The following MAGI2 variants were observed in gnomAD, a reference collection of about 807,000 sequenced individuals.
The protein encoded by MAGI2 is membrane-associated guanylate kinase, WW and PDZ domain-containing protein 2.
A neutral mutation model predicts 133.3 loss-of-function variants in MAGI2; 35 were observed. That is an observed-to-expected ratio of 0.26 (90% CI 0.20 to 0.35). The LOEUF (loss-of-function observed/expected upper bound fraction) is 0.35, where lower values mean the gene tolerates loss of function less well. Ranked by LOEUF, MAGI2 falls within the 10% of genes least tolerant of loss-of-function variation. The probability of loss-of-function intolerance (pLI) is 1.00; values close to 1 mark genes in which losing one functional copy is unlikely to be tolerated. For synonymous variants in MAGI2, 729 were observed against 710.6 expected, an observed-to-expected ratio of 1.03 and a Z score of -0.41; for missense variants, 1,636 against 1,863.4, an observed-to-expected ratio of 0.88 and a Z score of 2.25.
intron 6 of MAGI2, among the ~76,000 whole-genome samples, chr7:78,392,188 T>C (rs971410746): frequency 2.0e-5 from 3 of 152,212 alleles, no homozygotes; most frequent in South Asian, 2.1e-4. Context: ...GGGGTATTTA[T>C]GCATGAAGGT....
intron 9 of MAGI2, among the ~76,000 whole-genome samples, chr7:78,322,068 C>G (rs187108454): frequency 6.6e-6 from 1 of 152,194 alleles, no homozygotes; most frequent in Admixed American, 6.5e-5. Context: ...CAGATACCCT[C>G]TCACGCCAGT....
intron 2 of MAGI2, among the ~76,000 whole-genome samples, chr7:78,844,003 ATATT>A (rs1218173583): frequency 6.8e-6 from 1 of 147,636 alleles, no homozygotes; most frequent in African/African-American, 2.5e-5. Flanking sequence ...TTATATATAT[ATATT>A]TATTATTTCT....
intron 1 of MAGI2, among the ~76,000 whole-genome samples, chr7:79,098,362 C>T (rs914489276): frequency 9.9e-5 from 15 of 152,164 alleles, no homozygotes; most frequent in African/African-American, 3.1e-4. Context: ...TTTTACATTT[C>T]CTGTCATTTA....
chr7:79,078,175 T>C (rs1815708424), intron 1 of MAGI2, among the ~76,000 whole-genome samples: 1 of 152,192 alleles, frequency 6.6e-6, no homozygotes, highest in Non-Finnish European at 1.5e-5. Context: ...CAGCCTTTCA[T>C]GTGAAGAGGC....
chr7:79,117,576 T>C (rs183554007), intron 1 of MAGI2, among the ~76,000 whole-genome samples: 9 of 152,322 alleles, frequency 5.9e-5, no homozygotes, highest in Admixed American at 1.3e-4. Context: ...TTAGATGTTA[T>C]TATTCATTAT....
chr7:79,417,424 C>A lies in MAGI2; in HGVS notation c.301+35596G>T, dbSNP rs577607829. ...TGGGTACTTATCTTTGCATTCATAT[C>A]TTGAATATCATATCTCTGATGACAG... On this transcript the variant is annotated intron_variant, in intron 1 of 21. Coordinates refer to ENST00000354212, the MANE Select transcript of MAGI2 (RefSeq NM_012301.4). Among the ~76,000 whole-genome samples, 4 of 152,170 alleles carry A rather than the reference C, an allele frequency of 2.6e-5. No individual in the cohort carries two copies. In the South Asian group the frequency reaches 8.3e-4, roughly 32 times the overall value.
chr7:78,187,455 T>G (rs2150713478), intron 12 of MAGI2, among the ~76,000 whole-genome samples: 1 of 152,258 alleles, frequency 6.6e-6, no homozygotes, highest in Non-Finnish European at 1.5e-5. Context: ...GATGACATAA[T>G]TTTATAAGAT....
chr7:78,411,091 T>A (rs1042176581), intron 6 of MAGI2, among the ~76,000 whole-genome samples: 1 of 152,052 alleles, frequency 6.6e-6, no homozygotes, highest in Admixed American at 6.6e-5. Flanking sequence ...AGCATTTCAG[T>A]AAAGAGAATT....
At chr7:79,299,554 CAA>C (rs57740248) in intron 1 of MAGI2, among the ~76,000 whole-genome samples, 3,367 of 84,572 alleles carry the variant, frequency 0.04, 91 homozygotes, top group Middle Eastern at 0.08. Context: ...GACTCCATCT[CAA>C]AAAAAAAAAA....
chr7:78,978,328 A>G (rs1383372901), intron 2 of MAGI2, among the ~76,000 whole-genome samples: 2 of 151,870 alleles, frequency 1.3e-5, no homozygotes, highest in Admixed American at 1.3e-4. Context: ...ATAGAATATT[A>G]TTTGGTGGTA....
chr7:78,846,337 G>T (rs1230125037), intron 2 of MAGI2, among the ~76,000 whole-genome samples: 2 of 151,852 alleles, frequency 1.3e-5, no homozygotes, highest in Non-Finnish European at 2.9e-5. Context: ...TTAATACACC[G>T]CAATTTTTAA....
At chr7:78,440,473 T>C (rs891193103) in intron 6 of MAGI2, among the ~76,000 whole-genome samples, 3 of 152,214 alleles carry the variant, frequency 2.0e-5, no homozygotes, top group Admixed American at 6.5e-5. Flanking sequence ...AGAGACACCG[T>C]GAAGGCAAAA....
chr7:78,126,478 G>GTACTTAATTTATATCTTGA (rs1820996124), intron 19 of MAGI2, among the ~76,000 whole-genome samples: 2 of 152,108 alleles, frequency 1.3e-5, no homozygotes, highest in Non-Finnish European at 2.9e-5. Flanking sequence ...TTATATCTTG[G>GTACTTAATTTATATCTTGA]TATGTAGTTA....
At chr7:78,504,432 G>A (rs1010405581) in intron 4 of MAGI2, among the ~76,000 whole-genome samples, 20 of 152,100 alleles carry the variant, frequency 1.3e-4, no homozygotes, top group African/African-American at 4.8e-4. Flanking sequence ...TTGGGGAAGA[G>A]TAGAGCAGGT....
chr7:78,522,391 T>G (rs745971041), intron 3 of MAGI2, among the ~76,000 whole-genome samples: 19 of 152,212 alleles, frequency 1.2e-4, no homozygotes, highest in Non-Finnish European at 2.6e-4. Flanking sequence ...ATTATTTCAT[T>G]TTATTGAGAC....
chr7:79,429,053 G>GTA (rs960155203), intron 1 of MAGI2, among the ~76,000 whole-genome samples: 16 of 151,678 alleles, frequency 1.1e-4, no homozygotes, highest in East Asian at 3.9e-4. Context: ...TACTCTAGAA[G>GTA]TATATATATA....
intron 1 of MAGI2, among the ~76,000 whole-genome samples, chr7:79,222,118 CATAA>C (rs1224191026): frequency 1.3e-5 from 2 of 152,074 alleles, no homozygotes; most frequent in African/African-American, 4.8e-5. Context: ...ATGCATACCA[CATAA>C]ATAAATTAAT....
At chr7:79,200,757 A>G (rs557645405) in intron 1 of MAGI2, among the ~76,000 whole-genome samples, 11 of 152,120 alleles carry the variant, frequency 7.2e-5, no homozygotes, top group Non-Finnish European at 1.3e-4. Flanking sequence ...CAGTGACAAG[A>G]CTAAAGCCCA....
intron 9 of MAGI2, among the ~76,000 whole-genome samples, chr7:78,258,153 A>G (rs1197935631): frequency 2.0e-5 from 3 of 152,210 alleles, no homozygotes; most frequent in African/African-American, 7.2e-5. Context: ...TCACTTTTCC[A>G]TAATGTCTAT....
Sources: gnomAD v4.1 joint callset for allele counts (sites outside exome capture counted in the v4.1 genomes callset) on GRCh38, gnomAD v4.1.1 for gene constraint, MANE v1.5 for transcripts, NCBI Gene and HGNC (gene_info 2026-07-23, HGNC 2026-07-21) for gene names.